CSMD3: variants seen among roughly 807,000 people sequenced by gnomAD.
The protein encoded by CSMD3 is CUB and sushi domain-containing protein 3.
CSMD3 carries 177 observed loss-of-function variants against 435.2 expected under a neutral mutation model. The ratio of observed to expected loss-of-function variants is 0.41; its 90% CI spans 0.36 to 0.46. The LOEUF (loss-of-function observed/expected upper bound fraction) is 0.46. CSMD3 is among the 20% of genes least tolerant of loss of function. The probability of loss-of-function intolerance (pLI) is 0.34; values close to 1 mark genes in which losing one functional copy is unlikely to be tolerated. For synonymous variants in CSMD3, 1,656 were observed against 1,520.5 expected (o/e 1.09, Z -2.07); for missense variants, 4,265 against 4,504.6 (o/e 0.95, Z 1.52).
intron 4 of CSMD3, among the ~76,000 whole-genome samples, chr8:113,160,949 G>T (rs1564378741): frequency 6.6e-6 from 1 of 151,996 alleles, no homozygotes; most frequent in Non-Finnish European, 1.5e-5. Context: ...ATGCCCTGAA[G>T]GTGCTAAAAT....
intron 13 of CSMD3, among the ~76,000 whole-genome samples, chr8:112,778,504 T>G (rs1443772788): frequency 6.6e-6 from 1 of 151,992 alleles, no homozygotes; most frequent in Non-Finnish European, 1.5e-5. Context: ...AGTAAAATGC[T>G]TCTAAGTATC....
chr8:112,311,129 T>G lies in CSMD3; in HGVS notation c.7734A>C (p.Gly2578=), dbSNP rs765068933. Residue 2578 remains glycine (G), a synonymous_variant, in exon 50 of 71, where the codon GGA becomes GGC. Coordinates refer to ENST00000297405, the MANE Select transcript of CSMD3 (RefSeq NM_198123.2). The part of the protein sequence containing the change: ...YCSTPESPPH[G]YIISQTGGQL... Reference sequence around the variant, plus strand: ...GCCCACCTGTCTGACTGATAATATATCCATGAGGTGGGGATTCTGGTGTAC... The same window carrying G: ...GCCCACCTGTCTGACTGATAATATAGCCATGAGGTGGGGATTCTGGTGTAC... 2.5e-5 allele frequency: 41 copies of G among 1,613,844 alleles called. No individual in the cohort carries two copies. The highest frequency in any genetic ancestry group is 3.4e-5 in the Non-Finnish European group (40 of 1,179,980).
chr8:113,209,303 G>A (rs1289038097), intron 3 of CSMD3, among the ~76,000 whole-genome samples: 1 of 152,116 alleles, frequency 6.6e-6, no homozygotes, highest in Admixed American at 6.6e-5. Context: ...GTAATCTAAT[G>A]AAGGGCATTT....
chr8:112,287,808 G>A (rs933839747), intron 57 of CSMD3, among the ~76,000 whole-genome samples: 7 of 151,896 alleles, frequency 4.6e-5, no homozygotes, highest in Admixed American at 1.3e-4. Flanking sequence ...CATATTCCTC[G>A]TATATGAAAA....
chr8:113,363,663 T>G (rs1271722464), intron 1 of CSMD3, among the ~76,000 whole-genome samples: 1 of 152,142 alleles, frequency 6.6e-6, no homozygotes. Context: ...AGTCTAATTT[T>G]CCTCCACCTC....
intron 1 of CSMD3, among the ~76,000 whole-genome samples, chr8:113,354,887 C>T (rs774784805): frequency 6.6e-6 from 1 of 152,136 alleles, no homozygotes; most frequent in Non-Finnish European, 1.5e-5. Flanking sequence ...ACTCCACCGA[C>T]CTGGGCCTTC....
chr8:112,279,115 C>A (rs950938629), intron 59 of CSMD3, among the ~76,000 whole-genome samples: 1 of 152,024 alleles, frequency 6.6e-6, no homozygotes, highest in Non-Finnish European at 1.5e-5. Flanking sequence ...CAACTGGACT[C>A]AATTGAAAAT....
Position 112,301,862 on chromosome 8 carries a change from G to T in CSMD3, c.8371C>A (p.Leu2791Ile), listed in dbSNP as rs899355788. 1 of 1,613,716 alleles carries T rather than the reference G, an allele frequency of 6.2e-7. No homozygotes were observed. The highest frequency in any genetic ancestry group is 8.5e-7 in the Non-Finnish European group (1 of 1,179,714). Residue 2791 changes from leucine to isoleucine, a missense_variant, in exon 53 of 71, where the codon CTT becomes ATT. Leu to Ile is a conservative substitution (Grantham distance 5, BLOSUM62 2). Transcript: ENST00000297405. ...CATTCCCTTACAGCAGAGCCCACAA[G>T]CATGAATCCCAAGTCGCAGGTAAAG... The part of the protein sequence containing the change: ...AIFTCDLGFM[L>I]VGSAVRECLS...
rs766210478 is a variant in CSMD3, at chr8:113,055,372, C to A, written c.918-36193G>T. The stretch of plus-strand genomic sequence containing the variant: ...TGCACTGTTTGGATTTCCTTCTGTA[C>A]TATTAAACTCTCATTTTTCACAAAA... On this transcript the variant is annotated intron_variant, in intron 5 of 70. Transcript: ENST00000297405. 3.9e-5 allele frequency among the ~76,000 whole-genome samples: 6 copies of A among 152,238 alleles called. 1 individual carries two copies. The highest frequency in any genetic ancestry group is 3.9e-4 in the Admixed American group (6 of 15,288).
intron 20 of CSMD3, among the ~76,000 whole-genome samples, chr8:112,639,843 A>G (rs1218257078): frequency 2.0e-5 from 3 of 152,118 alleles, no homozygotes; most frequent in Non-Finnish European, 4.4e-5. Context: ...GTTGATGGTC[A>G]CTTAAGTCGT....
chr8:112,495,710 G>A (rs1821266729), intron 30 of CSMD3, among the ~76,000 whole-genome samples: 1 of 151,960 alleles, frequency 6.6e-6, no homozygotes, highest in Non-Finnish European at 1.5e-5. Flanking sequence ...AAAATTATGA[G>A]GCAGACAAGT....
At position 112,705,369 on chromosome 8, in the gene CSMD3, C is replaced by G. The variant is rs79797746; in HGVS notation, c.1973-15319G>C. Among the ~76,000 whole-genome samples the G allele has an allele frequency of 3.9e-5, 6 of 152,096 alleles. No individual in the cohort carries two copies. In the East Asian group the frequency reaches 1.2e-3, roughly 29 times the overall value. On this transcript the variant is annotated intron_variant, in intron 13 of 70. Coordinates refer to ENST00000297405, the MANE Select transcript of CSMD3 (RefSeq NM_198123.2). ...TTCTCCAGTATATCTTACTCACTTCCCCACAAGTTAATGCCCCAGCCCAAA... is the reference window on the plus strand; with the variant it reads ...TTCTCCAGTATATCTTACTCACTTCGCCACAAGTTAATGCCCCAGCCCAAA...
chr8:113,327,430 A>G (rs191764643), intron 1 of CSMD3, among the ~76,000 whole-genome samples: 1 of 152,270 alleles, frequency 6.6e-6, no homozygotes, highest in Admixed American at 6.5e-5. Context: ...GAATTAATAT[A>G]AGGGGTGTTT....
chr8:112,756,732 C>T (rs902618525), intron 13 of CSMD3, among the ~76,000 whole-genome samples: 13 of 150,974 alleles, frequency 8.6e-5, no homozygotes, highest in African/African-American at 2.4e-4. Context: ...TCCTTGAAAT[C>T]GTTTTTTCTC....
At chr8:112,514,147 C>T (rs1167950613) in intron 28 of CSMD3, among the ~76,000 whole-genome samples, 1 of 152,066 alleles carries the variant, frequency 6.6e-6, no homozygotes, top group African/African-American at 2.4e-5. Context: ...CCCATCTTAG[C>T]CTCCTGAGTA....
intron 16 of CSMD3, among the ~76,000 whole-genome samples, chr8:112,669,937 G>T (rs976550313): frequency 1.3e-5 from 2 of 152,134 alleles, no homozygotes; most frequent in African/African-American, 4.8e-5. Context: ...AAGGCAGTTT[G>T]ACTCTAGAAA....
intron 3 of CSMD3, among the ~76,000 whole-genome samples, chr8:113,257,519 T>TA (rs1472839574): frequency 6.6e-6 from 1 of 152,220 alleles, no homozygotes; most frequent in Non-Finnish European, 1.5e-5. Flanking sequence ...GGAAGCTCTG[T>TA]ACCCTTTCCC....
intron 3 of CSMD3, among the ~76,000 whole-genome samples, chr8:113,253,625 A>C (rs1295988482): frequency 6.6e-6 from 1 of 151,992 alleles, no homozygotes; most frequent in Non-Finnish European, 1.5e-5. Context: ...GCAGATAACG[A>C]GGTCAAGAGA....
intron 10 of CSMD3, among the ~76,000 whole-genome samples, chr8:112,863,830 C>T (rs1329429459): frequency 4.0e-5 from 6 of 151,346 alleles, no homozygotes; most frequent in Admixed American, 4.0e-4. Flanking sequence ...ATAAGAATTC[C>T]ATGCCTACAG....
Sources: allele counts gnomAD v4.1 joint callset (sites outside exome capture counted in the v4.1 genomes callset), GRCh38; gene constraint gnomAD v4.1.1; transcripts MANE v1.5; gene names NCBI Gene and HGNC (gene_info 2026-07-23, HGNC 2026-07-21).